KCTD2: variants seen among roughly 807,000 people sequenced by gnomAD.
The protein encoded by KCTD2 is potassium channel tetramerization domain containing 2.
A neutral mutation model predicts 27.9 loss-of-function variants in KCTD2; 18 were observed. The ratio of observed to expected loss-of-function variants is 0.64; its 90% CI spans 0.45 to 0.96. The LOEUF (loss-of-function observed/expected upper bound fraction) is 0.96. KCTD2 is among the 40% of genes least tolerant of loss of function. The pLI is 0.00. For synonymous variants in KCTD2, 175 were observed against 148.4 expected, an observed-to-expected ratio of 1.18 and a Z score of -1.30; for missense variants, 280 against 348.0, an observed-to-expected ratio of 0.80 and a Z score of 1.56.
In KCTD2 at chr17:75,063,472, C is replaced by T. The variant is rs1195733580; in HGVS notation, c.*425C>T. 9.9e-6 allele frequency: 2 copies of T among 202,036 alleles called. No homozygotes were observed. Among genetic ancestry groups the T allele is most frequent in the East Asian group, 2.2e-4 (2 of 8,952 alleles). 12.5% of individuals were successfully genotyped at this position (202,036 alleles called of 1,614,324 possible). On this transcript the variant is annotated 3_prime_UTR_variant, in exon 6 of 6. Coordinates refer to ENST00000322444, the MANE Select transcript of KCTD2 (RefSeq NM_015353.3). Reference sequence around the variant, plus strand: ...TTCACCCTATGTGTGCCACAATGGACGTTAGCAGCTGCTTCGGAACACCGT... The same window carrying T: ...TTCACCCTATGTGTGCCACAATGGATGTTAGCAGCTGCTTCGGAACACCGT...
In KCTD2 at chr17:75,047,534, A is replaced by G. The variant is rs752449544; in HGVS notation, c.284A>G (p.Lys95Arg). 13 of 1,611,116 alleles carry G rather than the reference A, an allele frequency of 8.1e-6. No individual in the cohort carries two copies. Among genetic ancestry groups the G allele is most frequent in the Admixed American group, 3.3e-5 (2 of 59,936 alleles). The part of the protein sequence containing the change: ...TTRQTLGREP[K>R]SFLCRLCCQE... ...AGACAGACCTTAGGCCGGGAGCCCA[A>G]GTCATTTCTCTGCCGCCTCTGCTGC... Residue 95 changes from lysine to arginine, a missense_variant, in exon 1 of 6, where the codon AAG becomes AGG. Coordinates refer to ENST00000322444, the MANE Select transcript of KCTD2 (RefSeq NM_015353.3).
At position 75,064,293 on chromosome 17, in the gene KCTD2, T is replaced by C. The variant is rs2073435266; in HGVS notation, c.*1246T>C. 1 of 152,280 alleles carries C rather than the reference T, an allele frequency of 6.6e-6. No homozygotes were observed. Among genetic ancestry groups the C allele is most frequent in the Non-Finnish European group, 1.5e-5 (1 of 68,072 alleles). 9.4% of individuals were successfully genotyped at this position (152,280 alleles called of 1,614,324 possible). A position where few individuals can be genotyped will look rare whatever the true frequency, so the allele number is the denominator to read the frequency against. On this transcript the variant is annotated 3_prime_UTR_variant, in exon 6 of 6. Transcript: ENST00000322444. ...CGAGCATGTGGGTCTCGCTGAGCAG[T>C]CATGGAATGCGGTAGAGCCAGGGGA...
Position 75,047,319 on chromosome 17 carries a change from C to T in KCTD2, c.69C>T (p.Asp23=). ...GGGGCGGCGGGAGTGGGGTGGGCGA[C>T]GGGGGTGGCCCAGTCCGCGGGCCCC... ...LGGGGGSGVG[D]GGGPVRGPPS... is the part of the protein sequence containing the mutation. Residue 23 remains aspartate, a synonymous_variant, in exon 1 of 6, where the codon GAC becomes GAT. Coordinates refer to ENST00000322444, the MANE Select transcript of KCTD2 (RefSeq NM_015353.3). 1.0e-6 allele frequency: 1 copy of T among 962,200 alleles called. No individual in the cohort carries two copies. The highest frequency in any genetic ancestry group is 1.3e-6 in the Non-Finnish European group (1 of 790,880). The allele number at this position is 962,200 out of a possible 1,614,324, so 59.6% of individuals were successfully genotyped here.
upstream of KCTD2, chr17:75,042,622 G>A: frequency 6.2e-7 from 1 of 1,611,722 alleles, no homozygotes; most frequent in Non-Finnish European, 8.5e-7. Context: ...CCAGTCAATG[G>A]TTTTTAGAGC....
chr17:75,047,231 G>A lies in KCTD2; in HGVS notation c.-20G>A, dbSNP rs772144503. The A allele has an allele frequency of 1.2e-6, 1 of 841,120 alleles. No individual in the cohort carries two copies. Among genetic ancestry groups the A allele is most frequent in the Non-Finnish European group, 1.6e-6 (1 of 631,970 alleles). The allele number at this position is 841,120 out of a possible 1,614,324, so 52.1% of individuals were successfully genotyped here. A position where few individuals can be genotyped will look rare whatever the true frequency, so the allele number is the denominator to read the frequency against. ...GGCCCGGCTGCGCGCGGGCAGCAGCGGTGGCGGCGGCGGTCCAAGATGGCG... is the reference window on the plus strand; with the variant it reads ...GGCCCGGCTGCGCGCGGGCAGCAGCAGTGGCGGCGGCGGTCCAAGATGGCG... On this transcript the variant is annotated 5_prime_UTR_variant, in exon 1 of 6. Coordinates refer to ENST00000322444, the MANE Select transcript of KCTD2 (RefSeq NM_015353.3).
intron 4 of KCTD2, among the ~76,000 whole-genome samples, chr17:75,059,861 G>T (rs1049023312): frequency 1.4e-4 from 21 of 152,208 alleles, no homozygotes; most frequent in Admixed American, 5.9e-4. Flanking sequence ...AGCAGTTTAG[G>T]CTTGAAGTGC....
At chr17:75,051,195 A>G (rs113775187) in intron 2 of KCTD2, among the ~76,000 whole-genome samples, 24,424 of 148,916 alleles carry the variant, frequency 0.16, 3,139 homozygotes, top group East Asian at 0.62. Flanking sequence ...GGATGGTCTC[A>G]TCTCGATCTC....
intron 2 of KCTD2, chr17:75,034,262 G>C (rs1377978628): frequency 6.6e-6 from 1 of 152,420 alleles, no homozygotes; most frequent in Admixed American, 6.6e-5. Flanking sequence ...GGGCAGCCCC[G>C]GAGAACCAGA....
chr17:75,059,662 TCAAA>T, intron 4 of KCTD2, 57 bp downstream of exon 4: 1 of 1,364,062 alleles, frequency 7.3e-7, no homozygotes. Flanking sequence ...CTGCAGCTCT[TCAAA>T]CAATCAGTGT....
intron 2 of KCTD2, among the ~76,000 whole-genome samples, chr17:75,051,046 T>G (rs1422272856): frequency 2.7e-5 from 4 of 150,400 alleles, no homozygotes; most frequent in Non-Finnish European, 5.9e-5. Flanking sequence ...CAATCTCGGC[T>G]CACTGCAAGC....
At position 75,032,654 on chromosome 17, in the gene KCTD2, G is replaced by T. The variant is rs1228238647; in HGVS notation, c.-540G>T. ...ATGGAAACCTGGAGCTGGGAGTGAGGTTAGAGCTGTAAGATCCAAGACCCA... is the reference window on the plus strand; with the variant it reads ...ATGGAAACCTGGAGCTGGGAGTGAGTTTAGAGCTGTAAGATCCAAGACCCA... On this transcript the variant is annotated 5_prime_UTR_variant, in exon 1 of 8. Coordinates refer to the KCTD2 transcript ENST00000581589. The surrounding 1 kb of genome is among the most constrained non-coding windows in gnomAD (Gnocchi z 4.8). 6.6e-6 allele frequency: 1 copy of T among 151,878 alleles called. No individual in the cohort carries two copies. The highest frequency in any genetic ancestry group is 2.4e-5 in the African/African-American group (1 of 41,232). The allele number at this position is 151,878 out of a possible 1,614,324, so 9.4% of individuals were successfully genotyped here. A position where few individuals can be genotyped will look rare whatever the true frequency, so the allele number is the denominator to read the frequency against.
chr17:75,052,817 G>A (rs528418031), intron 2 of KCTD2, among the ~76,000 whole-genome samples, 197 bp from the exon 3 acceptor site: 4 of 152,138 alleles, frequency 2.6e-5, no homozygotes, highest in Admixed American at 6.5e-5. Flanking sequence ...TCATTTGAAC[G>A]CAGGAGGCGG....
At chr17:75,039,788 G>T (rs2144909062) in intron 3 of KCTD2, 1 of 385,068 alleles carries the variant, frequency 2.6e-6, no homozygotes. Flanking sequence ...TTTTGATATA[G>T]GTATCCACCT....
At position 75,047,517 on chromosome 17, in the gene KCTD2, C is replaced by T. The variant is rs762298308; in HGVS notation, c.267C>T (p.Thr89=). 9.3e-6 allele frequency: 15 copies of T among 1,611,738 alleles called. No individual in the cohort carries two copies. The highest frequency in any genetic ancestry group is 1.2e-5 in the Non-Finnish European group (14 of 1,179,616). ...GGTYFVTTRQ[T]LGREPKSFLC... is the part of the protein sequence containing the mutation. ...CCTACTTCGTGACCACCAGACAGAC[C>T]TTAGGCCGGGAGCCCAAGTCATTTC... is the stretch of plus-strand genomic sequence containing the variant. The change falls in exon 1 of 6, where the codon ACC becomes ACT. Residue 89 remains threonine, a synonymous_variant. Transcript: ENST00000322444.
intron 3 of KCTD2, among the ~76,000 whole-genome samples, chr17:75,055,569 C>T (rs187866186): frequency 4.6e-4 from 70 of 151,798 alleles, no homozygotes; most frequent in African/African-American, 1.6e-3. Flanking sequence ...CGTGGTGGCT[C>T]ATGCCTGTAA....
At chr17:75,052,677 C>A (rs1026971036) in intron 2 of KCTD2, among the ~76,000 whole-genome samples, 1 of 152,170 alleles carries the variant, frequency 6.6e-6, no homozygotes, top group African/African-American at 2.4e-5. Context: ...GAGCCAAGAT[C>A]ATGCCATTGC....
chr17:75,049,096 C>A, intron 1 of KCTD2, 124 bp from the exon 2 acceptor site: 1 of 590,720 alleles, frequency 1.7e-6, no homozygotes, highest in South Asian at 2.7e-5. Flanking sequence ...TCACTAAAGT[C>A]TTTTTTAGCT....
intron 3 of KCTD2, chr17:75,041,961 T>C (rs528642982): frequency 2.2e-6 from 1 of 457,728 alleles, no homozygotes; most frequent in African/African-American, 2.0e-5. Flanking sequence ...GAAAGCCCTC[T>C]GGCTCCCAGA....
upstream of KCTD2, among the ~76,000 whole-genome samples, chr17:75,043,334 G>A (rs572562092): frequency 1.2e-3 from 183 of 151,908 alleles, 3 homozygotes; most frequent in African/African-American, 4.1e-3. Flanking sequence ...TCTCTTGGCC[G>A]GGCGCAGTGG....
Sources: gnomAD v4.1 joint callset for allele counts (sites outside exome capture counted in the v4.1 genomes callset) on GRCh38, gnomAD v4.1.1 for gene constraint, Gnocchi (gnomAD v3.1) non-coding constraint, MANE v1.5 for transcripts, NCBI Gene and HGNC (gene_info 2026-07-23, HGNC 2026-07-21) for gene names.